MIOX: variants seen among roughly 807,000 people sequenced by gnomAD.
The protein encoded by MIOX is inositol oxygenase.
A neutral mutation model predicts 42.7 loss-of-function variants in MIOX; 51 were observed. The ratio of observed to expected loss-of-function variants is 1.19; its 90% CI spans 0.95 to 1.51. The LOEUF (loss-of-function observed/expected upper bound fraction) is 1.51, where lower values mean the gene tolerates loss of function less well. Among genes scored for constraint, MIOX ranks in the 40% most tolerant of loss-of-function variants. The pLI is 0.00. For synonymous variants in MIOX, 168 were observed against 154.4 expected (o/e 1.09, Z -0.65); for missense variants, 395 against 381.3 (o/e 1.04, Z -0.30).
intron 5 of MIOX, 100 bp downstream of exon 5, chr22:50,488,442 C>A: frequency 2.0e-6 from 2 of 987,900 alleles, no homozygotes; most frequent in Non-Finnish European, 1.5e-6. Context: ...GGGGGACAGG[C>A]CAGTGCACCC....
chr22:50,490,341 G>C lies in MIOX; in HGVS notation c.*485G>C, dbSNP rs570138865. ...AACAACAAAAAACAAATGCAGGCTG[G>C]GCACAGCGGCTCACACCTATAATCC... On this transcript the variant is annotated 3_prime_UTR_variant, in exon 10 of 10. Transcript: ENST00000216075. 6 of 179,454 alleles carry C rather than the reference G, an allele frequency of 3.3e-5. No homozygotes were observed. In the South Asian group the frequency reaches 7.4e-4, roughly 22 times the overall value. The allele number at this position is 179,454 out of a possible 1,614,324, so 11.1% of individuals were successfully genotyped here. A position where few individuals can be genotyped will look rare whatever the true frequency, so the allele number is the denominator to read the frequency against.
intron 2 of MIOX, 29 bp from the exon 3 acceptor site, chr22:50,487,633 G>A (rs1382575279): frequency 1.2e-6 from 2 of 1,604,366 alleles, no homozygotes; most frequent in Admixed American, 1.7e-5. Flanking sequence ...GCAGGGTGGG[G>A]GTGGCGCCAC....
intron 3 of MIOX, 32 bp downstream of exon 3, chr22:50,487,774 G>A (rs369054539): frequency 1.9e-5 from 31 of 1,612,182 alleles, no homozygotes; most frequent in African/African-American, 6.7e-5. Flanking sequence ...GTGCAAACGC[G>A]GAGGGACCCT....
At position 50,489,586 on chromosome 22, in the gene MIOX, T is replaced by C; in HGVS notation, c.691T>C (p.Tyr231His). 1 of 1,612,396 alleles carries C rather than the reference T, an allele frequency of 6.2e-7. No homozygotes were observed. The part of the protein sequence containing the change: ...SFYPWHTGRD[Y>H]QQLCSQQDLA... ...CTACCCCTGGCACACGGGCCGCGACTACCAGCAGCTGTGCAGCCAGCAGGA... is the reference window on the plus strand; with the variant it reads ...CTACCCCTGGCACACGGGCCGCGACCACCAGCAGCTGTGCAGCCAGCAGGA... Residue 231 changes from tyrosine (Y) to histidine (H), a missense_variant, in exon 9 of 10, where the codon TAC (tyrosine) becomes CAC (histidine). Tyr to His is a moderately conservative substitution (Grantham distance 83, BLOSUM62 2). Transcript: ENST00000216075.
rs1439757574 is a variant in MIOX at position 50,487,609 on chromosome 22, A to G, written c.97-53A>G. The G allele has an allele frequency of 5.1e-6, 8 of 1,577,664 alleles. No homozygotes were observed. In the East Asian group the frequency reaches 9.0e-5, roughly 18 times the overall value. ...TGGGGCTGCCTGGGAGAGGGGAGGC[A>G]TGGGGCCTCGTGTGCAGGGTGGGGG... On this transcript the variant is annotated intron_variant, in intron 2 of 9. Transcript: ENST00000216075.
rs2068295871 is a variant in MIOX, at chr22:50,488,034, C to G, written c.326C>G (p.Ala109Gly). The stretch of plus-strand genomic sequence containing the variant: ...CAGACAGCGGAGGGCATCCGGAAGG[C>G]CCACCCAGACAAGGGTGAGCCCTGG... ...AFQTAEGIRK[A>G]HPDKDWFHLV... The change falls in exon 4 of 10, where the codon GCC (alanine) becomes GGC (glycine). Residue 109 changes from alanine (A) to glycine (G), a missense_variant. Physicochemically the swap from Ala to Gly is moderately conservative, Grantham distance 60. Coordinates refer to ENST00000216075, the MANE Select transcript of MIOX (RefSeq NM_017584.6). 6.2e-7 allele frequency: 1 copy of G among 1,613,644 alleles called. No individual in the cohort carries two copies. The highest frequency in any genetic ancestry group is 2.2e-5 in the East Asian group (1 of 44,882).
chr22:50,489,169 G>T lies in MIOX; in HGVS notation c.518+20G>T. On this transcript the variant is annotated intron_variant, in intron 6 of 9. Coordinates refer to ENST00000216075, the MANE Select transcript of MIOX (RefSeq NM_017584.6). ...ATACAGGTGCTCCCTGCTGCTGAGG[G>T]CTGGGCCCCCTTCCCTGGGCGGCTG... 2 of 1,612,572 alleles carry T rather than the reference G, an allele frequency of 1.2e-6. No individual in the cohort carries two copies. The highest frequency in any genetic ancestry group is 1.7e-6 in the Non-Finnish European group (2 of 1,179,688).
At chr22:50,488,972 TGGGTGGTCATCGGC>T in intron 5 of MIOX, 54 bp from the exon 6 acceptor site, 1 of 966,798 alleles carries the variant, frequency 1.0e-6, no homozygotes, top group African/African-American at 2.0e-5. Flanking sequence ...CCTTCTGCAG[TGGGTGGTCATCGGC>T]GACACCTTCC....
At position 50,489,196 on chromosome 22, in the gene MIOX, T is replaced by C. The variant is rs751998878; in HGVS notation, c.519-32T>C. 6 of 1,611,680 alleles carry C rather than the reference T, an allele frequency of 3.7e-6. No homozygotes were observed. The Admixed American group carries it at 8.3e-5, about 22-fold the overall frequency. On this transcript the variant is annotated intron_variant, in intron 6 of 9. Coordinates refer to ENST00000216075, the MANE Select transcript of MIOX (RefSeq NM_017584.6). ...TGGGCCCCCTTCCCTGGGCGGCTGCTGAGCCCTCCTCACCCTGGTATCTCA... is the reference window on the plus strand; with the variant it reads ...TGGGCCCCCTTCCCTGGGCGGCTGCCGAGCCCTCCTCACCCTGGTATCTCA...
intron 1 of MIOX, 133 bp from the exon 2 acceptor site, chr22:50,487,252 C>A: frequency 1.3e-6 from 1 of 757,356 alleles, no homozygotes. Flanking sequence ...GTGGGAGAGG[C>A]TGTGTCCTCG....
Position 50,490,165 on chromosome 22 carries a change from G to A in MIOX, c.*309G>A, listed in dbSNP as rs2148638058. The A allele has an allele frequency of 9.6e-6, 4 of 414,814 alleles. No homozygotes were observed. Among genetic ancestry groups the A allele is most frequent in the South Asian group, 8.2e-5 (3 of 36,726 alleles). 25.7% of individuals were successfully genotyped at this position (414,814 alleles called of 1,614,324 possible). A position where few individuals can be genotyped will look rare whatever the true frequency, so the allele number is the denominator to read the frequency against. On this transcript the variant is annotated 3_prime_UTR_variant, in exon 10 of 10. Transcript: ENST00000216075. The stretch of plus-strand genomic sequence containing the variant: ...TGTGTGTCCCACCACACTGGCCGTG[G>A]TAAACATCTGCCCATCCTCCCAGCT...
At chr22:50,489,495 C>A (rs757883367) in intron 8 of MIOX, 37 bp from the exon 9 acceptor site, 2 of 1,611,030 alleles carry the variant, frequency 1.2e-6, no homozygotes, top group Non-Finnish European at 1.7e-6. Context: ...CCCGGTCCTG[C>A]AGCCCCAAGT....
intron 3 of MIOX, 54 bp downstream of exon 3, chr22:50,487,796 C>G: frequency 1.2e-6 from 2 of 1,611,326 alleles, no homozygotes; most frequent in East Asian, 2.2e-5. Flanking sequence ...GCCCTCAGCC[C>G]CATGAGCCCA....
chr22:50,487,378 T>A lies in MIOX; in HGVS notation c.16-7T>A, dbSNP rs780923111. The A allele has an allele frequency of 3.7e-6, 6 of 1,609,076 alleles. No individual in the cohort carries two copies. The East Asian group carries it at 1.3e-4, about 36-fold the overall frequency. ...GGTGAAATAGGTTCAATCCTCCACC[T>A]ACCCAGGGCCCAGACCCTTCCCTGG... On this transcript the variant is annotated splice_polypyrimidine_tract_variant and splice_region_variant and intron_variant, in intron 1 of 9. Transcript: ENST00000216075.
chr22:50,489,892 C>G lies in MIOX; in HGVS notation c.*36C>G, dbSNP rs764246158. The G allele has an allele frequency of 3.2e-6, 5 of 1,586,556 alleles. No homozygotes were observed. In the African/African-American group the frequency reaches 4.0e-5, roughly 13 times the overall value. ...ACCCAAGCTGCTGCTGGACCTAGGC[C>G]TGGCCCTCCGCCTGCCTGGAGAGGC... On this transcript the variant is annotated 3_prime_UTR_variant, in exon 10 of 10. Coordinates refer to ENST00000216075, the MANE Select transcript of MIOX (RefSeq NM_017584.6).
chr22:50,489,265 G>C lies in MIOX; in HGVS notation c.556G>C (p.Asp186His), dbSNP rs369422809. 2.6e-5 allele frequency: 41 copies of C among 1,601,202 alleles called. No individual in the cohort carries two copies. The highest frequency in any genetic ancestry group is 5.1e-5 in the Admixed American group (3 of 59,396). ...GATGTATCAGCCCCACTGTGGGCTCGACAGGGTCCTCATGTCCTGGGGCCA... is the reference window on the plus strand; with the variant it reads ...GATGTATCAGCCCCACTGTGGGCTCCACAGGGTCCTCATGTCCTGGGGCCA... ...LGMYQPHCGLDRVLMSWGHDE... is the reference protein window; with the variant it reads ...LGMYQPHCGLHRVLMSWGHDE... Residue 186 changes from aspartate (D) to histidine (H), a missense_variant, in exon 7 of 10, where the codon GAC (aspartate) becomes CAC (histidine). Asp to His is a moderately conservative substitution (Grantham distance 81, BLOSUM62 -1). Transcript: ENST00000216075.
Position 50,486,878 on chromosome 22 carries a change from G to T in MIOX, c.-20G>T. The T allele has an allele frequency of 6.2e-7, 1 of 1,613,954 alleles. No individual in the cohort carries two copies. On this transcript the variant is annotated 5_prime_UTR_variant, in exon 1 of 10. Transcript: ENST00000216075. ...CTCGCCAGCCTGTGCTTTGCCACCTGAGCGCCGCTCCCTCTCAGGATGAAG... is the reference window on the plus strand; with the variant it reads ...CTCGCCAGCCTGTGCTTTGCCACCTTAGCGCCGCTCCCTCTCAGGATGAAG...
intron 9 of MIOX, 21 bp downstream of exon 9, chr22:50,489,665 A>C: frequency 1.0e-6 from 1 of 992,474 alleles, no homozygotes; most frequent in Non-Finnish European, 1.4e-6. Context: ...CTACCCGCCG[A>C]GGGGTGTTGT....
In MIOX at chr22:50,486,909, G is replaced by A. The variant is rs570164989; in HGVS notation, c.12G>A (p.Thr4=). 198 of 1,613,812 alleles carry A rather than the reference G, an allele frequency of 1.2e-4. No homozygotes were observed. The Middle Eastern group carries it at 5.1e-3, about 42-fold the overall frequency. MKV[T]VGPDPSLVYR... ...CGCTCCCTCTCAGGATGAAGGTGAC[G>A]GTGGTGAGTACCCAGACCCCATGCA... The change falls in exon 1 of 10, where the codon ACG becomes ACA. Residue 4 remains threonine, a synonymous_variant. Transcript: ENST00000216075.
Sources: gnomAD v4.1 joint callset for allele counts on GRCh38, gnomAD v4.1.1 for gene constraint, MANE v1.5 for transcripts, NCBI Gene and HGNC (gene_info 2026-07-23, HGNC 2026-07-21) for gene names.